The following KIAA1217 variants were observed in gnomAD, a reference collection of about 807,000 sequenced individuals.
KIAA1217 encodes KIAA1217.
In KIAA1217, 88 loss-of-function variants were observed where a neutral mutation model predicts 163.9. The ratio of observed to expected loss-of-function variants is 0.54; its 90% CI spans 0.45 to 0.64. The LOEUF is 0.64. Among genes scored for constraint, KIAA1217 ranks in the 30% least tolerant of loss-of-function variants. The pLI is 0.00. For missense variants in KIAA1217, 2,372 were observed against 2,475.0 expected, an observed-to-expected ratio of 0.96 and a Z score of 0.88; for synonymous variants, 903 against 923.1, an observed-to-expected ratio of 0.98 and a Z score of 0.39.
intron 13 of KIAA1217, among the ~76,000 whole-genome samples, chr10:24,527,082 T>A (rs1042981680): frequency 5.3e-5 from 8 of 152,136 alleles, no homozygotes; most frequent in Non-Finnish European, 8.8e-5. Context: ...ATGCAGATGT[T>A]TTAAAATGCA....
At chr10:24,443,044 G>A (rs995344268) in intron 5 of KIAA1217, among the ~76,000 whole-genome samples, 4 of 151,678 alleles carry the variant, frequency 2.6e-5, no homozygotes, top group Non-Finnish European at 4.4e-5. Context: ...CTGAGTAGCT[G>A]GGATTACAGG....
chr10:24,342,645 C>A (rs112191709), intron 2 of KIAA1217, among the ~76,000 whole-genome samples: 20 of 140,988 alleles, frequency 1.4e-4, no homozygotes, highest in African/African-American at 4.5e-4. Context: ...CATGCAGATA[C>A]AACTCAATTT....
chr10:24,018,137 T>TA (rs771144778), intron 2 of KIAA1217, among the ~76,000 whole-genome samples: 11 of 149,850 alleles, frequency 7.3e-5, no homozygotes, highest in South Asian at 4.2e-4. Context: ...AGCTTCATAT[T>TA]AAAAAAAAAA....
chr10:24,543,325 C>A lies in KIAA1217; in HGVS notation c.4055C>A (p.Pro1352His). ...GATTTTGGCCAAGTTGTTCTAAGAC[C>A]CAAGGAGGCAAGGCATGCTAACGTG... ...TTDFGQVVLR[P>H]KEARHANVNP... Residue 1352 changes from proline to histidine, a missense_variant, in exon 19 of 21, where the codon CCC becomes CAC. This residue lies in a region of KIAA1217 where 251 missense variants were observed against 327.3 expected (regional missense o/e 0.77). Coordinates refer to ENST00000376454, the MANE Select transcript of KIAA1217 (RefSeq NM_019590.5). 6.2e-7 allele frequency: 1 copy of A among 1,613,964 alleles called. No individual in the cohort carries two copies. The highest frequency in any genetic ancestry group is 8.5e-7 in the Non-Finnish European group (1 of 1,179,984).
chr10:23,771,760 A>C (rs9645511), intron 1 of KIAA1217, among the ~76,000 whole-genome samples: 20,993 of 152,254 alleles, frequency 0.14, 1,774 homozygotes, highest in Middle Eastern at 0.18. Flanking sequence ...GAAGTGGCAC[A>C]TATCACTTTT....
chr10:24,380,415 C>G (rs115497508), intron 2 of KIAA1217, among the ~76,000 whole-genome samples: 1 of 152,026 alleles, frequency 6.6e-6, no homozygotes. Flanking sequence ...CACCTGAGGT[C>G]AGGAGTTCAA....
rs1213315000 is a variant in KIAA1217 at position 24,193,737 on chromosome 10, G to T, written c.-170-25889G>T. 4.0e-5 allele frequency among the ~76,000 whole-genome samples: 6 copies of T among 151,692 alleles called. No homozygotes were observed. The South Asian group carries it at 1.0e-3, about 26-fold the overall frequency. ...AGTGCTCAGTTCTTAACATTTGACA[G>T]TTAGAGCAGATCACAGTACTCAAGG... On this transcript the variant is annotated intron_variant, in intron 2 of 18. Coordinates refer to the KIAA1217 transcript ENST00000376462.
At chr10:24,353,921 C>T (rs1202935062) in intron 2 of KIAA1217, among the ~76,000 whole-genome samples, 1 of 152,154 alleles carries the variant, frequency 6.6e-6, no homozygotes, top group African/African-American at 2.4e-5. Flanking sequence ...CAGTAATATT[C>T]CTCCAGCTGG....
intron 2 of KIAA1217, among the ~76,000 whole-genome samples, chr10:24,161,308 A>G (rs1589725735): frequency 1.3e-5 from 2 of 152,380 alleles, no homozygotes; most frequent in South Asian, 4.1e-4. Flanking sequence ...ATTCTAATGT[A>G]CAGGCATTCA....
intron 3 of KIAA1217, among the ~76,000 whole-genome samples, chr10:24,381,843 G>A (rs1389732381): frequency 2.6e-5 from 4 of 152,142 alleles, no homozygotes; most frequent in Non-Finnish European, 5.9e-5. Flanking sequence ...GTCCAGTGGA[G>A]GAGATGACAA....
At chr10:23,966,005 G>T (rs1441781377) in intron 1 of KIAA1217, among the ~76,000 whole-genome samples, 2 of 152,116 alleles carry the variant, frequency 1.3e-5, no homozygotes, top group African/African-American at 4.8e-5. Flanking sequence ...AGCCCATATT[G>T]CCAACATTGC....
intron 5 of KIAA1217, among the ~76,000 whole-genome samples, chr10:24,453,272 A>G (rs1393803739): frequency 6.8e-6 from 1 of 147,752 alleles, no homozygotes; most frequent in African/African-American, 2.4e-5. Flanking sequence ...TTGACTATCT[A>G]TTTGACTTCT....
intron 3 of KIAA1217, among the ~76,000 whole-genome samples, chr10:24,414,819 G>A (rs2058095228): frequency 6.6e-6 from 1 of 152,120 alleles, no homozygotes; most frequent in African/African-American, 2.4e-5. Flanking sequence ...GAACAGAAGT[G>A]ACTCTTAAAA....
intron 1 of KIAA1217, among the ~76,000 whole-genome samples, chr10:23,807,330 G>T (rs997412046): frequency 6.6e-6 from 1 of 152,230 alleles, no homozygotes; most frequent in African/African-American, 2.4e-5. Flanking sequence ...TTAGATGAAG[G>T]TCACAGAAAT....
chr10:24,541,981 G>A (rs1166574502), intron 17 of KIAA1217, among the ~76,000 whole-genome samples: 1 of 152,218 alleles, frequency 6.6e-6, no homozygotes, highest in Non-Finnish European at 1.5e-5. Flanking sequence ...TGATCACTCT[G>A]AATTTGGATT....
chr10:24,368,966 C>A, intron 2 of KIAA1217: 1 of 682,146 alleles, frequency 1.5e-6, no homozygotes, highest in Non-Finnish European at 1.8e-6. Context: ...AAAGTGAGAA[C>A]CGAGGTTCAG....
intron 2 of KIAA1217, among the ~76,000 whole-genome samples, chr10:24,332,766 T>C (rs1374522256): frequency 6.6e-6 from 1 of 152,110 alleles, no homozygotes; most frequent in Non-Finnish European, 1.5e-5. Context: ...CATAGTGGAC[T>C]GGGTAAAGAG....
At chr10:24,401,100 A>T (rs2056476437) in intron 3 of KIAA1217, among the ~76,000 whole-genome samples, 1 of 151,978 alleles carries the variant, frequency 6.6e-6, no homozygotes, top group Non-Finnish European at 1.5e-5. Context: ...AGAAAACTTA[A>T]TACCAGCATG....
chr10:23,727,890 A>G (rs538446873), intron 1 of KIAA1217, among the ~76,000 whole-genome samples: 1 of 152,172 alleles, frequency 6.6e-6, no homozygotes, highest in Non-Finnish European at 1.5e-5. Context: ...GAGTGAGAAC[A>G]TGCAGCATTT....
Sources: gnomAD v4.1 joint callset for allele counts (sites outside exome capture counted in the v4.1 genomes callset) on GRCh38, gnomAD v4.1.1 for gene constraint, gnomAD v4.1.1 regional missense constraint, MANE v1.5 for transcripts, NCBI Gene and HGNC (gene_info 2026-07-23, HGNC 2026-07-21) for gene names.